RNF150: variants seen among roughly 807,000 people sequenced by gnomAD.
RNF150 encodes ring finger protein 150.
In RNF150, 24 loss-of-function variants were observed where a neutral mutation model predicts 39.3. The observed-to-expected ratio is 0.61, with a 90% CI of 0.44 to 0.86. RNF150 has a LOEUF of 0.86. RNF150 is among the 40% of genes least tolerant of loss of function. The pLI, the probability that RNF150 is intolerant of heterozygous loss-of-function variation, is 0.00. For missense variants in RNF150, 502 were observed against 587.8 expected (o/e 0.85, Z 1.51); for synonymous variants, 255 against 227.3 (o/e 1.12, Z -1.10).
intron 1 of RNF150, among the ~76,000 whole-genome samples, chr4:141,066,072 T>A (rs1560718548): frequency 6.6e-6 from 1 of 152,006 alleles, no homozygotes; most frequent in African/African-American, 2.4e-5. Context: ...CCCTCAACAC[T>A]ATTTGACTCA....
At chr4:141,031,733 T>TA (rs1735953164) in intron 1 of RNF150, among the ~76,000 whole-genome samples, 2 of 151,990 alleles carry the variant, frequency 1.3e-5, no homozygotes, top group South Asian at 4.1e-4. Context: ...ATGGCAATTA[T>TA]AAAAAAATGA....
chr4:141,065,513 A>G (rs1482062660), intron 1 of RNF150, among the ~76,000 whole-genome samples: 1 of 151,862 alleles, frequency 6.6e-6, no homozygotes, highest in East Asian at 1.9e-4. Flanking sequence ...TAGTTAACTT[A>G]AGAGGTAGCT....
intron 4 of RNF150, among the ~76,000 whole-genome samples, chr4:140,932,110 A>G (rs551514409): frequency 5.9e-5 from 9 of 152,306 alleles, no homozygotes; most frequent in Middle Eastern, 3.4e-3. Flanking sequence ...TCCTTAGTGA[A>G]GTGGTTATTA....
chr4:140,950,174 ATCT>A (rs1327478360), intron 2 of RNF150, among the ~76,000 whole-genome samples: 3 of 152,326 alleles, frequency 2.0e-5, no homozygotes, highest in South Asian at 2.1e-4. Flanking sequence ...TACATGTTTT[ATCT>A]TCTTCTTAGG....
At chr4:141,170,271 T>G (rs1278615527) in intron 1 of RNF150, among the ~76,000 whole-genome samples, 1 of 152,202 alleles carries the variant, frequency 6.6e-6, no homozygotes, top group Admixed American at 6.5e-5. Flanking sequence ...TTGGACCAAG[T>G]AGCTTGTAAT....
chr4:141,097,687 G>A (rs1738846948), intron 1 of RNF150, among the ~76,000 whole-genome samples: 1 of 151,892 alleles, frequency 6.6e-6, no homozygotes, highest in African/African-American at 2.4e-5. Context: ...GATTAATAAT[G>A]AGGATAGCCT....
intron 6 of RNF150, among the ~76,000 whole-genome samples, chr4:140,887,358 T>C (rs1490273797): frequency 2.0e-5 from 3 of 152,224 alleles, no homozygotes; most frequent in Non-Finnish European, 2.9e-5. Flanking sequence ...CTACGCAGTA[T>C]GTGCACTATA....
At chr4:140,980,901 T>C (rs1026121087) in intron 1 of RNF150, among the ~76,000 whole-genome samples, 1 of 152,154 alleles carries the variant, frequency 6.6e-6, no homozygotes, top group African/African-American at 2.4e-5. Context: ...TGGCAGAAGT[T>C]ATCTGGAAAT....
intron 1 of RNF150, among the ~76,000 whole-genome samples, chr4:141,087,706 A>G (rs1474818234): frequency 6.6e-6 from 1 of 152,212 alleles, no homozygotes; most frequent in East Asian, 1.9e-4. Context: ...ATAGCCCTTG[A>G]TTAATTTTTT....
intron 1 of RNF150, among the ~76,000 whole-genome samples, chr4:141,035,430 G>A (rs1736104869): frequency 6.6e-6 from 1 of 152,082 alleles, no homozygotes; most frequent in African/African-American, 2.4e-5. Flanking sequence ...TGACTTAGTG[G>A]ATAAATGGAG....
intron 1 of RNF150, among the ~76,000 whole-genome samples, chr4:141,012,423 T>C (rs533743157): frequency 1.3e-5 from 2 of 152,382 alleles, no homozygotes; most frequent in African/African-American, 4.8e-5. Context: ...ATGGTGTGTA[T>C]GTATGTGTGT....
At chr4:141,060,331 C>A (rs1737164844) in intron 1 of RNF150, among the ~76,000 whole-genome samples, 1 of 152,000 alleles carries the variant, frequency 6.6e-6, no homozygotes, top group South Asian at 2.1e-4. Context: ...GTCCCAGATA[C>A]TTGGGAAGTT....
intron 1 of RNF150, among the ~76,000 whole-genome samples, chr4:141,071,269 T>C (rs893285197): frequency 3.5e-5 from 5 of 144,758 alleles, no homozygotes; most frequent in Non-Finnish European, 6.0e-5. Context: ...CATTGGGAGA[T>C]ATACCTAATG....
At chr4:140,916,694 C>A (rs572648650) in intron 5 of RNF150, among the ~76,000 whole-genome samples, 5 of 152,170 alleles carry the variant, frequency 3.3e-5, no homozygotes, top group Non-Finnish European at 1.5e-5. Flanking sequence ...ACAGAGAACG[C>A]CACAAAGATA....
chr4:141,147,024 C>T (rs190410848), intron 1 of RNF150, among the ~76,000 whole-genome samples: 5 of 152,174 alleles, frequency 3.3e-5, no homozygotes, highest in East Asian at 3.9e-4. Flanking sequence ...TGCAGTGATG[C>T]GATTATGGCC....
intron 4 of RNF150, among the ~76,000 whole-genome samples, chr4:140,939,303 G>GT (rs1238154215): frequency 3.3e-5 from 5 of 152,080 alleles, no homozygotes; most frequent in Non-Finnish European, 7.4e-5. Context: ...AAGGCTTTTA[G>GT]TTATGTTCTG....
At chr4:141,026,936 G>A (rs1403891570) in intron 1 of RNF150, among the ~76,000 whole-genome samples, 1 of 152,188 alleles carries the variant, frequency 6.6e-6, no homozygotes, top group African/African-American at 2.4e-5. Flanking sequence ...GGGGGAGTGA[G>A]GAGTAATGCC....
intron 1 of RNF150, among the ~76,000 whole-genome samples, chr4:141,012,721 T>C (rs1349828426): frequency 7.6e-6 from 1 of 131,804 alleles, no homozygotes; most frequent in Admixed American, 9.5e-5. Flanking sequence ...AGGCGGATGA[T>C]GCAGTGAGCT....
Position 141,133,094 on chromosome 4 carries a change from T to C in RNF150, c.-286A>G. ...GCCCGCGGGGCTTGCGGAGGAGTCC[T>C]GCTGCCGAGCGTCCTGCTCCTTCGC... On this transcript the variant is annotated 5_prime_UTR_variant, in exon 1 of 7. Transcript: ENST00000515673. 2.8e-6 allele frequency: 1 copy of C among 360,296 alleles called. No homozygotes were observed. The highest frequency in any genetic ancestry group is 5.1e-6 in the Non-Finnish European group (1 of 197,252). The allele number at this position is 360,296 out of a possible 1,614,324, so 22.3% of individuals were successfully genotyped here.
Sources: gnomAD v4.1 joint callset for allele counts (sites outside exome capture counted in the v4.1 genomes callset) on GRCh38, gnomAD v4.1.1 for gene constraint, MANE v1.5 for transcripts, NCBI Gene and HGNC (gene_info 2026-07-23, HGNC 2026-07-21) for gene names.